PRSS1: variants seen among roughly 807,000 people sequenced by gnomAD.
PRSS1 encodes the protein serine protease 1, also known as TCR V beta 4.1.
In PRSS1, 22 loss-of-function variants were observed where a neutral mutation model predicts 24.2. The ratio of observed to expected loss-of-function variants is 0.91; its 90% CI spans 0.65 to 1.30. PRSS1 has a LOEUF of 1.30. PRSS1 is among the 50% of genes most tolerant of loss of function. PRSS1 has a pLI of 0.00. For synonymous variants in PRSS1, 126 were observed against 116.1 expected (o/e 1.08, Z -0.55); for missense variants, 366 against 304.2 (o/e 1.20, Z -1.51).
intron 2 of PRSS1, chr7:142,751,078 G>A (rs371622191): frequency 5.0e-6 from 3 of 597,008 alleles, no homozygotes; most frequent in Non-Finnish European, 8.9e-6. Flanking sequence ...GGGCAATTAA[G>A]TCAAAATTTT....
In PRSS1 at chr7:142,750,605, G is replaced by C; in HGVS notation, c.91G>C (p.Glu31Gln). The change falls in exon 2 of 5, where the codon GAG becomes CAG. Residue 31 changes from glutamate (E) to glutamine (Q), a missense_variant. By Grantham distance (29) the Glu-to-Gln change is conservative (BLOSUM62 2). Coordinates refer to ENST00000311737, the MANE Select transcript of PRSS1 (RefSeq NM_002769.5). The part of the protein sequence containing the change: ...DDKIVGGYNC[E>Q]ENSVPYQVSL... ...CAAGATCGTTGGGGGCTACAACTGT[G>C]AGGAGAATTCTGTCCCCTACCAGGT... The C allele has an allele frequency of 6.2e-7, 1 of 1,614,040 alleles. No individual in the cohort carries two copies. The highest frequency in any genetic ancestry group is 8.5e-7 in the Non-Finnish European group (1 of 1,179,856).
intron 3 of PRSS1, 151 bp downstream of exon 3, chr7:142,752,178 T>C: frequency 1.5e-6 from 2 of 1,343,588 alleles, no homozygotes; most frequent in South Asian, 2.5e-5. Flanking sequence ...ACCAGAGAGA[T>C]GCAAACTATC....
rs767961522 is a variant in PRSS1, at chr7:142,750,542, A to G, written c.41-13A>G. On this transcript the variant is annotated splice_polypyrimidine_tract_variant and intron_variant, in intron 1 of 4. Coordinates refer to ENST00000311737, the MANE Select transcript of PRSS1 (RefSeq NM_002769.5). ...CTATTGACTTGCCTTCTCCCTTCCC[A>G]TCTCCACTCCAGTTGCTGCCCCCTT... 6 of 1,613,846 alleles carry G rather than the reference A, an allele frequency of 3.7e-6. No homozygotes were observed. The highest frequency in any genetic ancestry group is 2.2e-5 in the East Asian group (1 of 44,884).
chr7:142,752,668 C>G (rs1689936984), intron 4 of PRSS1, 101 bp downstream of exon 4: 1 of 1,570,012 alleles, frequency 6.4e-7, no homozygotes, highest in Non-Finnish European at 8.8e-7. Flanking sequence ...TGAGGAGGCT[C>G]CCTGCAGTGC....
intron 1 of PRSS1, 139 bp from the exon 2 acceptor site, chr7:142,750,416 G>C: frequency 1.4e-6 from 2 of 1,441,794 alleles, no homozygotes; most frequent in East Asian, 2.3e-5. Context: ...ATGATCACCA[G>C]GGGTGGCAGA....
At position 142,750,640 on chromosome 7, in the gene PRSS1, T is replaced by A. The variant is rs1272314177; in HGVS notation, c.126T>A (p.Asn42Lys). The stretch of plus-strand genomic sequence containing the variant: ...CTGTCCCCTACCAGGTGTCCCTGAA[T>A]TCTGGCTACCACTTCTGTGGTGGCT... The part of the protein sequence containing the change: ...ENSVPYQVSL[N>K]SGYHFCGGSL... Residue 42 changes from asparagine (N) to lysine (K), a missense_variant, in exon 2 of 5, where the codon AAT (asparagine) becomes AAA (lysine). Transcript: ENST00000311737. The A allele has an allele frequency of 3.1e-6, 5 of 1,614,042 alleles. No homozygotes were observed. The highest frequency in any genetic ancestry group is 3.4e-6 in the Non-Finnish European group (4 of 1,179,868).
intron 2 of PRSS1, chr7:142,751,563 C>T (rs1325095592): frequency 2.3e-6 from 2 of 857,250 alleles, no homozygotes; most frequent in South Asian, 1.8e-5. Context: ...CTCTTCCCCA[C>T]CCCACTACCA....
intron 3 of PRSS1, 124 bp downstream of exon 3, chr7:142,752,151 C>A: frequency 6.8e-7 from 1 of 1,462,562 alleles, no homozygotes; most frequent in Non-Finnish European, 9.5e-7. Flanking sequence ...CCATTACACA[C>A]AGACTCTGCA....
At position 142,750,601 on chromosome 7, in the gene PRSS1, C is replaced by T. The variant is rs747010881; in HGVS notation, c.87C>T (p.Asn29=). ...DDDDKIVGGY[N]CEENSVPYQV... ...ATGACAAGATCGTTGGGGGCTACAA[C>T]TGTGAGGAGAATTCTGTCCCCTACC... The change falls in exon 2 of 5, where the codon AAC becomes AAT. Residue 29 remains asparagine (N), a synonymous_variant. Coordinates refer to ENST00000311737, the MANE Select transcript of PRSS1 (RefSeq NM_002769.5). 6.2e-7 allele frequency: 1 copy of T among 1,614,048 alleles called. No homozygotes were observed. Among genetic ancestry groups the T allele is most frequent in the South Asian group, 1.1e-5 (1 of 91,078 alleles).
chr7:142,751,211 A>G, intron 2 of PRSS1: 1 of 645,448 alleles, frequency 1.5e-6, no homozygotes, highest in East Asian at 2.7e-5. Context: ...TATGCATCAG[A>G]ACGCCCTGCA....
intron 4 of PRSS1, 67 bp downstream of exon 4, chr7:142,752,634 T>C: frequency 1.2e-6 from 2 of 1,612,350 alleles, no homozygotes; most frequent in Non-Finnish European, 1.7e-6. Flanking sequence ...GGGAAAAGGA[T>C]TTGAACTCAA....
At chr7:142,750,917 C>A in intron 2 of PRSS1, 1 of 681,278 alleles carries the variant, frequency 1.5e-6, no homozygotes, top group South Asian at 1.6e-5. Flanking sequence ...CATGAAACAG[C>A]AAGGGTTGTG....
intron 4 of PRSS1, 113 bp downstream of exon 4, chr7:142,752,680 C>T: frequency 6.4e-7 from 1 of 1,557,774 alleles, no homozygotes; most frequent in Non-Finnish European, 8.9e-7. Flanking sequence ...CTGCAGTGCC[C>T]ACATGGAGAA....
intron 1 of PRSS1, 79 bp from the exon 2 acceptor site, chr7:142,750,476 G>T (rs890826165): frequency 1.2e-6 from 2 of 1,603,966 alleles, no homozygotes; most frequent in East Asian, 4.5e-5. Flanking sequence ...TTTCTAATTA[G>T]CAGAAAGCAA....
Position 142,753,066 on chromosome 7 carries a change from T to C in PRSS1, c.*46T>C, listed in dbSNP as rs775269865. On this transcript the variant is annotated 3_prime_UTR_variant, in exon 5 of 5. Coordinates refer to ENST00000311737, the MANE Select transcript of PRSS1 (RefSeq NM_002769.5). ...TCTCTATACCAATAAAGTGACCCTG[T>C]TCTCACTGTCTGTGTCTGTGCCTGC... The C allele has an allele frequency of 2.6e-6, 4 of 1,554,928 alleles. No homozygotes were observed. Among genetic ancestry groups the C allele is most frequent in the East Asian group, 2.2e-5 (1 of 44,714 alleles).
rs1798776850 is a variant in PRSS1 at position 142,751,965 on chromosome 7, C to T, written c.392C>T (p.Ala131Val). ...GTGTCCACCATCTCTCTGCCCACCGCCCCTCCAGCCACTGGCACGAAGTGC... is the reference window on the plus strand; with the variant it reads ...GTGTCCACCATCTCTCTGCCCACCGTCCCTCCAGCCACTGGCACGAAGTGC... Reference protein sequence around the residue: ...ARVSTISLPTAPPATGTKCLI... With the variant: ...ARVSTISLPTVPPATGTKCLI... Residue 131 changes from alanine to valine, a missense_variant, in exon 3 of 5, where the codon GCC becomes GTC. Coordinates refer to ENST00000311737, the MANE Select transcript of PRSS1 (RefSeq NM_002769.5). The T allele has an allele frequency of 1.2e-6, 2 of 1,614,018 alleles. No individual in the cohort carries two copies. Among genetic ancestry groups the T allele is most frequent in the African/African-American group, 1.3e-5 (1 of 74,904 alleles).
At position 142,749,973 on chromosome 7, in the gene PRSS1, A is replaced by C. The variant is rs551790236; in HGVS notation, c.40+449A>C. 2.0e-5 allele frequency among the ~76,000 whole-genome samples: 3 copies of C among 152,304 alleles called. No individual in the cohort carries two copies. In the East Asian group the frequency reaches 5.8e-4, roughly 29 times the overall value. ...TGTGTTCTGGGCTTTTAAGCTTCCCAGGTGATTTTTAATATTTCCAGCCAT... is the reference window on the plus strand; with the variant it reads ...TGTGTTCTGGGCTTTTAAGCTTCCCCGGTGATTTTTAATATTTCCAGCCAT... On this transcript the variant is annotated intron_variant, in intron 1 of 4. Transcript: ENST00000311737.
At chr7:142,751,220 C>G (rs1341720033) in intron 2 of PRSS1, 7 of 643,784 alleles carry the variant, frequency 1.1e-5, no homozygotes, top group Non-Finnish European at 1.9e-5. Context: ...GAACGCCCTG[C>G]AGGCTTGTTA....
chr7:142,751,373 C>A, intron 2 of PRSS1: 2 of 577,090 alleles, frequency 3.5e-6, no homozygotes, highest in Admixed American at 6.1e-5. Context: ...GGGTGGTTCT[C>A]ACCAGGCCAA....
Sources: allele counts gnomAD v4.1 joint callset (sites outside exome capture counted in the v4.1 genomes callset), GRCh38; gene constraint gnomAD v4.1.1; transcripts MANE v1.5; gene names NCBI Gene and HGNC (gene_info 2026-07-23, HGNC 2026-07-21).